The following EHMT1 variants were observed in gnomAD, a reference collection of about 807,000 sequenced individuals.
EHMT1 encodes euchromatic histone lysine methyltransferase 1.
A neutral mutation model predicts 147.2 loss-of-function variants in EHMT1; 15 were observed. The ratio of observed to expected loss-of-function variants is 0.10; its 90% CI spans 0.07 to 0.16. The LOEUF is 0.16. Ranked by LOEUF, EHMT1 falls within the 10% of genes least tolerant of loss-of-function variation. The pLI is 1.00. For missense variants in EHMT1, 1,587 were observed against 1,772.4 expected, an observed-to-expected ratio of 0.90 and a Z score of 1.88; for synonymous variants, 795 against 709.6, an observed-to-expected ratio of 1.12 and a Z score of -1.91.
intron 1 of EHMT1, among the ~76,000 whole-genome samples, chr9:137,694,822 C>T (rs1425479932): frequency 6.6e-6 from 1 of 152,194 alleles, no homozygotes; most frequent in African/African-American, 2.4e-5. Context: ...GCCATCAGCT[C>T]GGCAGGCCCA....
At chr9:137,694,975 C>A (rs1365192664) in intron 1 of EHMT1, among the ~76,000 whole-genome samples, 1 of 152,252 alleles carries the variant, frequency 6.6e-6, no homozygotes, top group Non-Finnish European at 1.5e-5. Flanking sequence ...CCTTAGAGCA[C>A]ATACCCTCTG....
Position 137,776,904 on chromosome 9 carries a change from T to C in EHMT1, c.2018+60T>C, listed in dbSNP as rs1951003732. ...CGTCCACCTGAAAAAGTTTCAGTTG[T>C]TAACTCAACGTTATTGCTTCCTGCT... On this transcript the variant is annotated intron_variant, in intron 12 of 26. Transcript: ENST00000460843. This position sits in a 1 kb window ranked among gnomAD's most constrained non-coding sequence, Gnocchi z 4.4. 6.6e-7 allele frequency: 1 copy of C among 1,514,064 alleles called. No homozygotes were observed. Among genetic ancestry groups the C allele is most frequent in the Non-Finnish European group, 9.1e-7 (1 of 1,100,092 alleles). 93.8% of individuals were successfully genotyped at this position (1,514,064 alleles called of 1,614,324 possible). A position where few individuals can be genotyped will look rare whatever the true frequency, so the allele number is the denominator to read the frequency against.
chr9:137,687,458 TAGAGTTCAGG>T (rs1942556843), intron 1 of EHMT1, among the ~76,000 whole-genome samples: 1 of 151,902 alleles, frequency 6.6e-6, no homozygotes, highest in African/African-American at 2.4e-5. Context: ...AGAGTTGAGG[TAGAGTTCAGG>T]TAGAGAGTTT....
chr9:137,801,007 G>T (rs145982136), intron 18 of EHMT1, 23 bp downstream of exon 18: 1 of 1,608,968 alleles, frequency 6.2e-7, no homozygotes, highest in Admixed American at 1.7e-5. Context: ...CACCCTCCCC[G>T]GGAGCCGTGT....
chr9:137,777,183 G>C, intron 12 of EHMT1: 1 of 332,488 alleles, frequency 3.0e-6, no homozygotes, highest in Non-Finnish European at 5.7e-6. Context: ...CTGTGACCGA[G>C]TTCTGTGGTA....
chr9:137,670,319 C>T (rs1940426810), intron 1 of EHMT1, among the ~76,000 whole-genome samples: 1 of 152,138 alleles, frequency 6.6e-6, no homozygotes, highest in Non-Finnish European at 1.5e-5. Flanking sequence ...CCTCCACCCC[C>T]AGGGCAACAA....
intron 1 of EHMT1, among the ~76,000 whole-genome samples, chr9:137,686,063 C>T (rs560285861): frequency 2.6e-4 from 39 of 152,306 alleles, no homozygotes; most frequent in African/African-American, 8.9e-4. Flanking sequence ...AGGTGTGAGC[C>T]ACTGTGCCAG....
chr9:137,793,548 G>A (rs1952684342), intron 16 of EHMT1, among the ~76,000 whole-genome samples: 2 of 152,250 alleles, frequency 1.3e-5, no homozygotes, highest in African/African-American at 4.8e-5. Context: ...CTAAGTGTAT[G>A]CCACAGGCAT....
chr9:137,724,893 A>G (rs1232071359), intron 3 of EHMT1, among the ~76,000 whole-genome samples: 3,648 of 98,844 alleles, frequency 0.037, 138 homozygotes, highest in African/African-American at 0.13. Context: ...CATTCGTGGG[A>G]CAGATGTGGC....
At chr9:137,709,240 G>A (rs1374972805) in intron 1 of EHMT1, among the ~76,000 whole-genome samples, 1 of 152,118 alleles carries the variant, frequency 6.6e-6, no homozygotes, top group Non-Finnish European at 1.5e-5. Flanking sequence ...CTGTTGGGGG[G>A]TAGGTGTGAA....
chr9:137,779,910 T>TA (rs1951251965), intron 14 of EHMT1, among the ~76,000 whole-genome samples, 193 bp downstream of exon 14: 1 of 152,258 alleles, frequency 6.6e-6, no homozygotes, highest in Non-Finnish European at 1.5e-5. Flanking sequence ...CATATCCAGT[T>TA]ACGCAAGATA....
At chr9:137,812,327 A>C (rs540342965) in intron 19 of EHMT1, among the ~76,000 whole-genome samples, 2 of 152,176 alleles carry the variant, frequency 1.3e-5, no homozygotes, top group South Asian at 4.1e-4. Context: ...CGACAGAGTG[A>C]GATTCTGTCT....
chr9:137,735,133 A>G (rs1947422343), intron 4 of EHMT1, among the ~76,000 whole-genome samples: 1 of 152,236 alleles, frequency 6.6e-6, no homozygotes, highest in South Asian at 2.1e-4. Context: ...TATCATTGCA[A>G]CTTTGGTTTG....
intron 1 of EHMT1, among the ~76,000 whole-genome samples, chr9:137,665,242 C>G (rs1564555835): frequency 6.6e-6 from 1 of 152,124 alleles, no homozygotes. Flanking sequence ...GTATTAAGAG[C>G]TACAAACAAC....
At chr9:137,681,963 GT>G (rs998850766) in intron 1 of EHMT1, among the ~76,000 whole-genome samples, 1 of 151,820 alleles carries the variant, frequency 6.6e-6, no homozygotes, top group Non-Finnish European at 1.5e-5. Context: ...TTGTTTGTTT[GT>G]TTTTTTGAGG....
chr9:137,720,888 G>A (rs1945878651), intron 3 of EHMT1, among the ~76,000 whole-genome samples: 1 of 152,070 alleles, frequency 6.6e-6, no homozygotes, highest in East Asian at 1.9e-4. Context: ...CATAATCACT[G>A]GGTTCTATGG....
chr9:137,813,658 C>G lies in EHMT1; in HGVS notation c.3180+128C>G. 2 of 1,355,230 alleles carry G rather than the reference C, an allele frequency of 1.5e-6. No homozygotes were observed. Among genetic ancestry groups the G allele is most frequent in the South Asian group, 2.5e-5 (2 of 80,288 alleles). The allele number at this position is 1,355,230 out of a possible 1,614,324, so 84.0% of individuals were successfully genotyped here. On this transcript the variant is annotated intron_variant, in intron 21 of 26. Coordinates refer to ENST00000460843, the MANE Select transcript of EHMT1 (RefSeq NM_024757.5). This position sits in a 1 kb window ranked among gnomAD's most constrained non-coding sequence, Gnocchi z 4.9. Reference sequence around the variant, plus strand: ...CTTATGGGGGGCTTCCCAGGAAGACCTCATTCTCTTTGTAGTTGCCTCCCG... The same window carrying G: ...CTTATGGGGGGCTTCCCAGGAAGACGTCATTCTCTTTGTAGTTGCCTCCCG...
intron 19 of EHMT1, 50 bp downstream of exon 19, chr9:137,811,665 C>T (rs931552212): frequency 2.3e-5 from 37 of 1,598,014 alleles, no homozygotes; most frequent in Non-Finnish European, 3.0e-5. Context: ...CTGACCTGGG[C>T]GCCCAGAGAG....
At chr9:137,741,387 T>C (rs1948067997) in intron 4 of EHMT1, among the ~76,000 whole-genome samples, 1 of 151,132 alleles carries the variant, frequency 6.6e-6, no homozygotes, top group South Asian at 2.1e-4. Flanking sequence ...GCAAACTGTT[T>C]CCAGGGGACA....
Sources: gnomAD v4.1 joint callset for allele counts (sites outside exome capture counted in the v4.1 genomes callset) on GRCh38, gnomAD v4.1.1 for gene constraint, Gnocchi (gnomAD v3.1) non-coding constraint, MANE v1.5 for transcripts, NCBI Gene and HGNC (gene_info 2026-07-23, HGNC 2026-07-21) for gene names.